KDM3B: variants seen among roughly 807,000 people sequenced by gnomAD.
KDM3B encodes lysine-specific demethylase 3B.
In KDM3B, 10 loss-of-function variants were observed where a neutral mutation model predicts 170.0. The observed-to-expected ratio is 0.06, with a 90% CI of 0.04 to 0.10. The LOEUF is 0.10. Among genes scored for constraint, KDM3B ranks in the 10% least tolerant of loss-of-function variants. KDM3B has a pLI of 1.00. For missense variants in KDM3B, 1,394 were observed against 2,195.2 expected, an observed-to-expected ratio of 0.64 and a Z score of 7.29; for synonymous variants, 831 against 834.8, an observed-to-expected ratio of 1.00 and a Z score of 0.08.
In KDM3B at chr5:138,379,628, G is replaced by C; in HGVS notation, c.625G>C (p.Glu209Gln). ...QGHRVKIYQP[E>Q]GEEGWLYGVV... ...TCACAGGGTCAAAATATATCAGCCA[G>C]AGGGGGAAGAAGGGTGGCTCTATGG... Residue 209 changes from glutamate (E) to glutamine (Q), a missense_variant, in exon 5 of 24, where the codon GAG becomes CAG. Coordinates refer to ENST00000314358, the MANE Select transcript of KDM3B (RefSeq NM_016604.4). 3 of 1,613,738 alleles carry C rather than the reference G, an allele frequency of 1.9e-6. No homozygotes were observed. The highest frequency in any genetic ancestry group is 1.7e-6 in the Non-Finnish European group (2 of 1,179,764).
chr5:138,429,626 T>C (rs1042875468), intron 20 of KDM3B, among the ~76,000 whole-genome samples, 200 bp from the exon 21 acceptor site: 3 of 152,240 alleles, frequency 2.0e-5, no homozygotes, highest in Non-Finnish European at 4.4e-5. Context: ...CCAAAAATGC[T>C]GAATCTCTAA....
At chr5:138,419,675 A>T in intron 14 of KDM3B, among the ~76,000 whole-genome samples, 1 of 132,044 alleles carries the variant, frequency 7.6e-6, no homozygotes, top group African/African-American at 2.8e-5. Context: ...AAAAATATAT[A>T]TATATATATA....
chr5:138,419,616 C>T (rs1233775805), intron 14 of KDM3B, among the ~76,000 whole-genome samples: 2 of 141,524 alleles, frequency 1.4e-5, no homozygotes, highest in Admixed American at 7.5e-5. Context: ...GATCATGCCA[C>T]TGCACTCCAG....
chr5:138,413,032 T>C (rs1333173352), intron 11 of KDM3B, among the ~76,000 whole-genome samples: 1 of 152,004 alleles, frequency 6.6e-6, no homozygotes, highest in Non-Finnish European at 1.5e-5. Context: ...ATTTGGGAAA[T>C]ACAAATTAAA....
At chr5:138,372,887 A>ATT in intron 2 of KDM3B, 46 bp downstream of exon 2, 1 of 1,528,184 alleles carries the variant, frequency 6.5e-7, no homozygotes, top group Non-Finnish European at 8.9e-7. Context: ...CTTTACTCCT[A>ATT]TAATATAACT....
At chr5:138,428,163 G>A (rs1763441146) in intron 20 of KDM3B, 77 bp downstream of exon 20, 1 of 1,405,056 alleles carries the variant, frequency 7.1e-7, no homozygotes, top group Non-Finnish European at 9.7e-7. Flanking sequence ...TTCATCCTTA[G>A]GGCCAGTGGC....
At position 138,425,659 on chromosome 5, in the gene KDM3B, T is replaced by A. The variant is rs1763374289; in HGVS notation, c.4411+77T>A. 8.8e-6 allele frequency: 11 copies of A among 1,244,220 alleles called. No individual in the cohort carries two copies. In the South Asian group the frequency reaches 1.7e-4, roughly 19 times the overall value. The allele number at this position is 1,244,220 out of a possible 1,614,324, so 77.1% of individuals were successfully genotyped here. On this transcript the variant is annotated intron_variant, in intron 17 of 23. Coordinates refer to ENST00000314358, the MANE Select transcript of KDM3B (RefSeq NM_016604.4). ...CTATACGCCCAGCTCTGCCCTTGAA[T>A]AATAAATTATATTCTGGGGCATAAT...
chr5:138,366,172 TTAGA>T (rs921614154), intron 1 of KDM3B, among the ~76,000 whole-genome samples: 4 of 152,118 alleles, frequency 2.6e-5, no homozygotes, highest in Middle Eastern at 3.2e-3. Context: ...CATTAGTCTA[TTAGA>T]TAGATCTCAT....
chr5:138,425,547 T>C lies in KDM3B; in HGVS notation c.4376T>C (p.Val1459Ala). The C allele has an allele frequency of 6.2e-7, 1 of 1,614,140 alleles. No individual in the cohort carries two copies. The highest frequency in any genetic ancestry group is 8.5e-7 in the Non-Finnish European group (1 of 1,179,994). ...RNCAIISDVK[V>A]RDFWDGFEII... is the part of the protein sequence containing the mutation. ...TGTGCTATAATTTCCGATGTGAAAG[T>C]TCGGGATTTCTGGGATGGTTTCGAG... Residue 1459 changes from valine to alanine, a missense_variant, in exon 17 of 24, where the codon GTT becomes GCT. By Grantham distance (64) the Val-to-Ala change is moderately conservative. This residue lies in a region of KDM3B where 66 missense variants were observed against 178.8 expected (regional missense o/e 0.37). Transcript: ENST00000314358.
At position 138,352,972 on chromosome 5, in the gene KDM3B, G is replaced by T. The variant is rs770495938; in HGVS notation, c.177G>T (p.Val59=). 19 of 1,245,760 alleles carry T rather than the reference G, an allele frequency of 1.5e-5. 1 individual carries two copies. The South Asian group carries it at 5.2e-4, about 34-fold the overall frequency. 77.2% of individuals were successfully genotyped at this position (1,245,760 alleles called of 1,614,324 possible). The change falls in exon 1 of 24, where the codon GTG becomes GTT. Residue 59 remains valine (V), a synonymous_variant. Transcript: ENST00000314358. ...AGTVRAMSGA[V]PQDLAIFVEF... Reference sequence around the variant, plus strand: ...CGGTGCGGGCCATGAGCGGGGCGGTGCCCCAGGACCTAGCGGTGAGTGGCG... The same window carrying T: ...CGGTGCGGGCCATGAGCGGGGCGGTTCCCCAGGACCTAGCGGTGAGTGGCG...
chr5:138,353,239 C>T (rs1761373646), intron 1 of KDM3B, among the ~76,000 whole-genome samples: 1 of 152,218 alleles, frequency 6.6e-6, no homozygotes. Context: ...AGCCAGCAGG[C>T]CCCGCCTCCT....
chr5:138,359,221 G>A (rs1486861732), intron 1 of KDM3B, among the ~76,000 whole-genome samples: 1 of 151,586 alleles, frequency 6.6e-6, no homozygotes, highest in Non-Finnish European at 1.5e-5. Context: ...GAGTGCAGTG[G>A]TGCGGTCTTG....
At chr5:138,423,118 A>G (rs890231417) in intron 15 of KDM3B, among the ~76,000 whole-genome samples, 2 of 152,070 alleles carry the variant, frequency 1.3e-5, no homozygotes, top group African/African-American at 4.8e-5. Flanking sequence ...TAATTTTTGT[A>G]TTTTTAGTAG....
rs913957614 is a variant in KDM3B, at chr5:138,381,532, C to T, written c.722C>T (p.Ser241Leu). The stretch of plus-strand genomic sequence containing the variant: ...CTACTGTAGAGTGGTGAGATCAAGT[C>T]GGTAGATCCCAGACTAATCCATGTG... Reference protein sequence around the residue: ...VSVTESGEIKSVDPRLIHVML... With the variant: ...VSVTESGEIKLVDPRLIHVML... The change falls in exon 6 of 24, where the codon TCG (serine) becomes TTG (leucine). Residue 241 changes from serine (S) to leucine (L), a missense_variant. Around this residue, in one of 19 missense-constraint regions of KDM3B, gnomAD observed 166 missense variants for 216.4 expected, o/e 0.77. Coordinates refer to ENST00000314358, the MANE Select transcript of KDM3B (RefSeq NM_016604.4). 5 of 1,598,148 alleles carry T rather than the reference C, an allele frequency of 3.1e-6. No individual in the cohort carries two copies. Among genetic ancestry groups the T allele is most frequent in the East Asian group, 2.2e-5 (1 of 44,834 alleles).
At chr5:138,429,713 T>C (rs1763482602) in intron 20 of KDM3B, 113 bp from the exon 21 acceptor site, 1 of 1,176,966 alleles carries the variant, frequency 8.5e-7, no homozygotes, top group African/African-American at 1.5e-5. Context: ...TGCCTTACAT[T>C]ATTCCAGAGA....
intron 2 of KDM3B, among the ~76,000 whole-genome samples, chr5:138,373,896 C>T (rs1761933711): frequency 6.6e-6 from 1 of 152,176 alleles, no homozygotes; most frequent in Admixed American, 6.5e-5. Context: ...ATGTGGCTAA[C>T]CAAATTAAAT....
intron 1 of KDM3B, among the ~76,000 whole-genome samples, chr5:138,356,543 G>A (rs1164033932): frequency 2.0e-5 from 3 of 151,674 alleles, no homozygotes; most frequent in African/African-American, 4.8e-5. Context: ...GAGAAAAATA[G>A]GAGTTGTCTT....
chr5:138,402,890 AG>A (rs1173618358), intron 11 of KDM3B, among the ~76,000 whole-genome samples: 13 of 152,350 alleles, frequency 8.5e-5, no homozygotes, highest in African/African-American at 3.1e-4. Context: ...GAGAAGAGTA[AG>A]GCAAAGTGCT....
At chr5:138,433,049 A>G (rs1763576771) in intron 23 of KDM3B, among the ~76,000 whole-genome samples, 1 of 143,744 alleles carries the variant, frequency 7.0e-6, no homozygotes, top group Admixed American at 6.9e-5. Context: ...CAGCCTGAAG[A>G]GGTTTTTCTT....
Sources: allele counts gnomAD v4.1 joint callset (sites outside exome capture counted in the v4.1 genomes callset), GRCh38; gene constraint gnomAD v4.1.1; regional missense constraint gnomAD v4.1.1; transcripts MANE v1.5; gene names NCBI Gene and HGNC (gene_info 2026-07-23, HGNC 2026-07-21).